Variants in ATXN1 observed in about 807,000 individuals in gnomAD.
The protein encoded by ATXN1 is ataxin-1.
Under a neutral mutation model 56.4 loss-of-function variants are expected in ATXN1, and 8 were observed. That is an observed-to-expected ratio of 0.14 (90% confidence interval 0.08 to 0.26). The LOEUF (loss-of-function observed/expected upper bound fraction) is 0.26. Among genes scored for constraint, ATXN1 ranks in the 10% least tolerant of loss-of-function variants. ATXN1 has a pLI of 1.00. For synonymous variants in ATXN1, 514 were observed against 494.6 expected (o/e 1.04, Z -0.52); for missense variants, 987 against 1,106.5 (o/e 0.89, Z 1.53).
chr6:16,579,853 G>C (rs1355890834), intron 4 of ATXN1, among the ~76,000 whole-genome samples: 1 of 152,048 alleles, frequency 6.6e-6, no homozygotes, highest in East Asian at 1.9e-4. Flanking sequence ...ATTTTAGAGA[G>C]AGAGAGAGAG....
chr6:16,619,004 A>C (rs1244746483), intron 3 of ATXN1, among the ~76,000 whole-genome samples: 1 of 152,176 alleles, frequency 6.6e-6, no homozygotes, highest in East Asian at 1.9e-4. Flanking sequence ...TTTAAAAAAG[A>C]AATGTAAAAA....
At chr6:16,575,543 G>T (rs1175097087) in intron 4 of ATXN1, among the ~76,000 whole-genome samples, 1 of 152,170 alleles carries the variant, frequency 6.6e-6, no homozygotes, top group African/African-American at 2.4e-5. Flanking sequence ...CAGCCACATT[G>T]TGTCCTGTGT....
Position 16,306,927 on chromosome 6 carries a change from T to G in ATXN1, c.1918-68A>C. On this transcript the variant is annotated intron_variant, in intron 7 of 7. Transcript: ENST00000436367. The surrounding 1 kb of genome is among the most constrained non-coding windows in gnomAD (Gnocchi z 5.2). ...ACAAATGAAAACATTTTATTCTTGT[T>G]TGATTTTATGCACACACACAGGTAT... 6.7e-7 allele frequency: 1 copy of G among 1,483,842 alleles called. No homozygotes were observed. The allele number at this position is 1,483,842 out of a possible 1,614,324, so 91.9% of individuals were successfully genotyped here.
chr6:16,688,846 A>G (rs1375032590), intron 2 of ATXN1, among the ~76,000 whole-genome samples: 1 of 152,136 alleles, frequency 6.6e-6, no homozygotes, highest in Non-Finnish European at 1.5e-5. Flanking sequence ...TATCCCTGAC[A>G]ACCACCAAAA....
At position 16,703,539 on chromosome 6, in the gene ATXN1, G is replaced by A. The variant is rs1018449264; in HGVS notation, c.-614-45638C>T. Among the ~76,000 whole-genome samples, 11 of 152,108 alleles carry A rather than the reference G, an allele frequency of 7.2e-5. No individual in the cohort carries two copies. The East Asian group carries it at 2.1e-3, about 29-fold the overall frequency. On this transcript the variant is annotated intron_variant, in intron 2 of 7. Coordinates refer to ENST00000436367, the MANE Select transcript of ATXN1 (RefSeq NM_001128164.2). The stretch of plus-strand genomic sequence containing the variant: ...CTTTATAACCTCTATGAAAAGTATT[G>A]CAACTAGGTTTGAACAAAATCATGT...
chr6:16,320,582 T>C (rs1760624719), intron 7 of ATXN1, among the ~76,000 whole-genome samples: 1 of 152,226 alleles, frequency 6.6e-6, no homozygotes, highest in Non-Finnish European at 1.5e-5. Context: ...GATGGGATAA[T>C]ATAGAACGCC....
intron 6 of ATXN1, among the ~76,000 whole-genome samples, chr6:16,381,575 G>A (rs1402042304): frequency 2.0e-5 from 3 of 152,246 alleles, no homozygotes; most frequent in Admixed American, 2.0e-4. Context: ...TGTGTGTGAA[G>A]GAATGACTTC....
chr6:16,509,597 T>C (rs1297099315), intron 5 of ATXN1, among the ~76,000 whole-genome samples: 1 of 152,194 alleles, frequency 6.6e-6, no homozygotes, highest in Non-Finnish European at 1.5e-5. Context: ...GTCTCTATTT[T>C]CCCCATTGCT....
chr6:16,724,387 T>C (rs1212355966), intron 2 of ATXN1, among the ~76,000 whole-genome samples: 1 of 152,062 alleles, frequency 6.6e-6, no homozygotes, highest in African/African-American at 2.4e-5. Flanking sequence ...TAAGCATGTA[T>C]GGTCATGGAA....
At chr6:16,557,772 C>A (rs1234200577) in intron 4 of ATXN1, among the ~76,000 whole-genome samples, 2 of 152,090 alleles carry the variant, frequency 1.3e-5, no homozygotes, top group African/African-American at 4.8e-5. Flanking sequence ...ATTGGACGGC[C>A]ACCTAAAAAA....
At chr6:16,378,964 G>A (rs11965878) in intron 6 of ATXN1, among the ~76,000 whole-genome samples, 2,176 of 152,200 alleles carry the variant, frequency 0.014, 49 homozygotes, top group African/African-American at 0.047. Context: ...ACTTGCACAC[G>A]CATGTTTATA....
At chr6:16,442,225 G>C (rs184037269) in intron 6 of ATXN1, among the ~76,000 whole-genome samples, 30 of 152,296 alleles carry the variant, frequency 2.0e-4, no homozygotes, top group African/African-American at 7.0e-4. Flanking sequence ...CAGCCAAAAT[G>C]ATCTTCCAGC....
At chr6:16,569,665 G>A (rs1481633937) in intron 4 of ATXN1, among the ~76,000 whole-genome samples, 5 of 152,176 alleles carry the variant, frequency 3.3e-5, no homozygotes, top group East Asian at 1.9e-4. Context: ...TAAAGATGAC[G>A]TCAGGAAGGT....
intron 2 of ATXN1, among the ~76,000 whole-genome samples, chr6:16,684,498 T>C (rs1758877336): frequency 1.3e-5 from 2 of 152,034 alleles, no homozygotes. Flanking sequence ...CAGGCTGGAG[T>C]GCAGTGGCTC....
intron 6 of ATXN1, among the ~76,000 whole-genome samples, chr6:16,469,740 G>C (rs1310346211): frequency 1.3e-5 from 2 of 152,284 alleles, no homozygotes; most frequent in South Asian, 2.1e-4. Flanking sequence ...GAGGCAGGCA[G>C]ATCACCTGAG....
intron 6 of ATXN1, among the ~76,000 whole-genome samples, chr6:16,456,178 G>A (rs181093184): frequency 3.9e-5 from 6 of 152,260 alleles, no homozygotes; most frequent in East Asian, 3.9e-4. Context: ...AACACTCACC[G>A]TGAAGGTCCG....
At chr6:16,755,845 G>A (rs535587737) in intron 1 of ATXN1, among the ~76,000 whole-genome samples, 4 of 152,192 alleles carry the variant, frequency 2.6e-5, no homozygotes, top group African/African-American at 7.2e-5. Context: ...TTTTCAGGTA[G>A]GATACAATTT....
chr6:16,366,828 C>A (rs1303669086), intron 6 of ATXN1, among the ~76,000 whole-genome samples: 5 of 151,324 alleles, frequency 3.3e-5, no homozygotes, highest in African/African-American at 1.2e-4. Context: ...AACCTCTAAT[C>A]AACCCACATG....
intron 5 of ATXN1, among the ~76,000 whole-genome samples, chr6:16,521,537 G>A (rs188661165): frequency 1.1e-4 from 16 of 152,366 alleles, no homozygotes; most frequent in African/African-American, 2.9e-4. Context: ...CAGCCTGGGC[G>A]ACAGAGGGAG....
Sources: allele counts gnomAD v4.1 joint callset (sites outside exome capture counted in the v4.1 genomes callset), GRCh38; gene constraint gnomAD v4.1.1; non-coding constraint Gnocchi (gnomAD v3.1); transcripts MANE v1.5; gene names NCBI Gene and HGNC (gene_info 2026-07-23, HGNC 2026-07-21).